Variants in LRMDA observed in about 807,000 individuals in gnomAD.
LRMDA encodes leucine-rich melanocyte differentiation-associated protein.
Under a neutral mutation model 29.8 loss-of-function variants are expected in LRMDA, and 18 were observed. That is an observed-to-expected ratio of 0.60 (90% confidence interval 0.42 to 0.90). The LOEUF is 0.90. Among genes scored for constraint, LRMDA ranks in the 40% least tolerant of loss-of-function variants. The pLI, the probability that LRMDA is intolerant of heterozygous loss-of-function variation, is 0.00. For synonymous variants in LRMDA, 125 were observed against 109.4 expected (o/e 1.14, Z -0.89); for missense variants, 273 against 273.9 (o/e 1.00, Z 0.02).
intron 6 of LRMDA, among the ~76,000 whole-genome samples, chr10:76,336,365 C>G (rs1275711629): frequency 6.6e-6 from 1 of 152,206 alleles, no homozygotes; most frequent in Non-Finnish European, 1.5e-5. Flanking sequence ...CAGAGGAGTT[C>G]TTAGTCCTCA....
chr10:76,025,923 C>A (rs1848055459), intron 2 of LRMDA, among the ~76,000 whole-genome samples: 1 of 152,070 alleles, frequency 6.6e-6, no homozygotes, highest in African/African-American at 2.4e-5. Flanking sequence ...CCTTGTAGCT[C>A]CAGAGACTAG....
rs546744245 is a variant in LRMDA, at chr10:76,332,872, A to G, written c.601+8387A>G. On this transcript the variant is annotated intron_variant, in intron 6 of 6. Transcript: ENST00000611255. ...TTCAGAAATAGAGAATATTATCTCT[A>G]TCTTCTAGGAATTTATGGTTTGATT... 7.9e-5 allele frequency among the ~76,000 whole-genome samples: 12 copies of G among 152,360 alleles called. No homozygotes were observed. The East Asian group carries it at 2.3e-3, about 29-fold the overall frequency.
chr10:76,011,102 T>C (rs1847770308), intron 2 of LRMDA, among the ~76,000 whole-genome samples: 1 of 152,254 alleles, frequency 6.6e-6, no homozygotes, highest in South Asian at 2.1e-4. Flanking sequence ...TTAAATCCAT[T>C]ACTTTTCAGT....
intron 6 of LRMDA, among the ~76,000 whole-genome samples, chr10:76,455,049 T>C (rs2132303106): frequency 6.6e-6 from 1 of 152,284 alleles, no homozygotes; most frequent in Middle Eastern, 3.4e-3. Flanking sequence ...TTAAAGGTCA[T>C]GTTGTCCAAC....
chr10:75,746,405 AG>A (rs1359809915), intron 2 of LRMDA, among the ~76,000 whole-genome samples: 1 of 152,236 alleles, frequency 6.6e-6, no homozygotes, highest in Non-Finnish European at 1.5e-5. Context: ...ACTACCATGA[AG>A]AAAGGATTAT....
At chr10:76,158,227 C>A (rs765466822) in intron 5 of LRMDA, among the ~76,000 whole-genome samples, 1 of 152,082 alleles carries the variant, frequency 6.6e-6, no homozygotes, top group Non-Finnish European at 1.5e-5. Flanking sequence ...TTTAGACAGA[C>A]CATTTAACCT....
At chr10:76,482,607 G>C (rs76425473) in intron 6 of LRMDA, among the ~76,000 whole-genome samples, 4,375 of 151,956 alleles carry the variant, frequency 0.029, 223 homozygotes, top group African/African-American at 0.1. Context: ...ATGGACATTT[G>C]ATTTGCTTCC....
At chr10:75,883,722 G>A (rs1845331883) in intron 2 of LRMDA, among the ~76,000 whole-genome samples, 2 of 152,018 alleles carry the variant, frequency 1.3e-5, no homozygotes, top group East Asian at 3.9e-4. Context: ...AATGAAAGGA[G>A]GAGGGGGGAG....
At chr10:75,502,424 AG>A (rs1394421408) in intron 2 of LRMDA, among the ~76,000 whole-genome samples, 1 of 137,750 alleles carries the variant, frequency 7.3e-6, no homozygotes, top group Non-Finnish European at 1.6e-5. Context: ...TTTGCCTTTT[AG>A]ATTTTTTTTT....
In LRMDA at chr10:75,764,265, C is replaced by T. The variant is rs1006031881; in HGVS notation, c.132-271743C>T. Among the ~76,000 whole-genome samples, 3 of 152,258 alleles carry T rather than the reference C, an allele frequency of 2.0e-5. No homozygotes were observed. The South Asian group carries it at 6.2e-4, about 32-fold the overall frequency. On this transcript the variant is annotated intron_variant, in intron 2 of 6. Transcript: ENST00000611255. ...CATGTCATCAACGGCTGCCAAGACTCTTGTCATTATTTCAGCCACACAGAC... is the reference window on the plus strand; with the variant it reads ...CATGTCATCAACGGCTGCCAAGACTTTTGTCATTATTTCAGCCACACAGAC...
intron 2 of LRMDA, among the ~76,000 whole-genome samples, chr10:75,536,264 G>A (rs1186117564): frequency 2.0e-5 from 3 of 151,584 alleles, no homozygotes; most frequent in Admixed American, 6.6e-5. Flanking sequence ...ATTGTACTCG[G>A]GGTCCATTCC....
At chr10:75,608,078 G>A (rs1840978552) in intron 2 of LRMDA, among the ~76,000 whole-genome samples, 1 of 129,416 alleles carries the variant, frequency 7.7e-6, no homozygotes, top group Non-Finnish European at 1.7e-5. Flanking sequence ...AGTGTCCATT[G>A]ATGGATGACT....
chr10:75,485,351 G>A lies in LRMDA; in HGVS notation c.131+46857G>A, dbSNP rs537870603. 1.4e-4 allele frequency among the ~76,000 whole-genome samples: 21 copies of A among 152,140 alleles called. No individual in the cohort carries two copies. In the South Asian group the frequency reaches 4.2e-3, roughly 30 times the overall value. The stretch of plus-strand genomic sequence containing the variant: ...GCTCTTTTCCTTGATTTTTGGTTTA[G>A]TAGTTGATTATTATTTTAATGATGC... On this transcript the variant is annotated intron_variant, in intron 2 of 6. Coordinates refer to ENST00000611255, the MANE Select transcript of LRMDA (RefSeq NM_001305581.2).
chr10:76,364,813 A>C (rs1187497995), intron 6 of LRMDA, among the ~76,000 whole-genome samples: 1 of 151,444 alleles, frequency 6.6e-6, no homozygotes. Flanking sequence ...CCATGTATAC[A>C]CTGCACCACA....
intron 2 of LRMDA, among the ~76,000 whole-genome samples, chr10:75,495,234 G>T (rs183822000): frequency 1.3e-5 from 2 of 151,996 alleles, no homozygotes; most frequent in Non-Finnish European, 2.9e-5. Flanking sequence ...CTCTCTTTCT[G>T]TCTCCTTCTC....
intron 3 of LRMDA, among the ~76,000 whole-genome samples, chr10:76,041,247 G>C (rs979233486): frequency 6.6e-6 from 1 of 152,194 alleles, no homozygotes; most frequent in Non-Finnish European, 1.5e-5. Context: ...CACATAGCCC[G>C]GTGATGGCAC....
intron 2 of LRMDA, among the ~76,000 whole-genome samples, chr10:75,711,942 G>T (rs1220334353): frequency 1.3e-5 from 2 of 150,494 alleles, no homozygotes; most frequent in Non-Finnish European, 2.9e-5. Flanking sequence ...ACACACACAC[G>T]TATATATGTT....
At chr10:75,779,568 G>A (rs1188458647) in intron 2 of LRMDA, among the ~76,000 whole-genome samples, 1 of 152,214 alleles carries the variant, frequency 6.6e-6, no homozygotes, top group Non-Finnish European at 1.5e-5. Flanking sequence ...AGGGCATCAT[G>A]CTTGGAGTGG....
chr10:75,802,653 A>T (rs1250341744), intron 2 of LRMDA, among the ~76,000 whole-genome samples: 1 of 152,070 alleles, frequency 6.6e-6, no homozygotes, highest in Non-Finnish European at 1.5e-5. Context: ...AACGAAGAAG[A>T]TTAAACAAAC....
Sources: allele counts gnomAD v4.1 joint callset (sites outside exome capture counted in the v4.1 genomes callset), GRCh38; gene constraint gnomAD v4.1.1; transcripts MANE v1.5; gene names NCBI Gene and HGNC (gene_info 2026-07-23, HGNC 2026-07-21).